ESRRG: variants seen among roughly 807,000 people sequenced by gnomAD.
ESRRG encodes estrogen related receptor gamma, also known as estrogen-related receptor gamma.
A neutral mutation model predicts 44.0 loss-of-function variants in ESRRG; 13 were observed. That is an observed-to-expected ratio of 0.30 (90% CI 0.19 to 0.47). ESRRG has a LOEUF of 0.47. Ranked by LOEUF, ESRRG falls within the 20% of genes least tolerant of loss-of-function variation. The pLI, the probability that ESRRG is intolerant of heterozygous loss-of-function variation, is 1.00. For synonymous variants in ESRRG, 215 were observed against 214.6 expected, an observed-to-expected ratio of 1.00 and a Z score of -0.02; for missense variants, 395 against 580.6, an observed-to-expected ratio of 0.68 and a Z score of 3.29.
At chr1:216,971,875 T>A (rs528953806) in intron 1 of ESRRG, among the ~76,000 whole-genome samples, 2 of 152,210 alleles carry the variant, frequency 1.3e-5, no homozygotes, top group African/African-American at 4.8e-5. Context: ...TTATCTCTTT[T>A]CCTTCAGCTA....
At chr1:216,582,116 C>A (rs1393468982) in intron 3 of ESRRG, among the ~76,000 whole-genome samples, 1 of 152,164 alleles carries the variant, frequency 6.6e-6, no homozygotes, top group African/African-American at 2.4e-5. Flanking sequence ...ATCTTGAAAT[C>A]CTGATTTTAA....
At chr1:217,065,651 T>C (rs1468986700) in intron 1 of ESRRG, among the ~76,000 whole-genome samples, 3 of 152,160 alleles carry the variant, frequency 2.0e-5, no homozygotes, top group Admixed American at 6.5e-5. Context: ...CTGTCTGCCA[T>C]TTACACACAA....
chr1:216,731,459 A>G (rs997741893), intron 2 of ESRRG, among the ~76,000 whole-genome samples: 1 of 152,212 alleles, frequency 6.6e-6, no homozygotes, highest in African/African-American at 2.4e-5. Context: ...TTTTAAAACA[A>G]GACCTGTGTG....
intron 6 of ESRRG, among the ~76,000 whole-genome samples, chr1:216,509,705 T>C (rs2042165360): frequency 1.3e-5 from 2 of 152,366 alleles, no homozygotes; most frequent in East Asian, 1.9e-4. Flanking sequence ...CAAATTACTA[T>C]GATAATTTAA....
chr1:217,065,734 C>A (rs1049202655), intron 1 of ESRRG, among the ~76,000 whole-genome samples: 1 of 152,212 alleles, frequency 6.6e-6, no homozygotes, highest in Admixed American at 6.5e-5. Context: ...AGCTGCAGAA[C>A]TGGCAAAGAG....
At chr1:216,676,028 G>A (rs1246221572) in intron 2 of ESRRG, among the ~76,000 whole-genome samples, 2 of 152,152 alleles carry the variant, frequency 1.3e-5, no homozygotes, top group Non-Finnish European at 2.9e-5. Flanking sequence ...TAGACTTTGT[G>A]TCCATAACTG....
chr1:216,674,206 G>A (rs528903041), intron 2 of ESRRG, among the ~76,000 whole-genome samples: 3 of 152,184 alleles, frequency 2.0e-5, no homozygotes, highest in Non-Finnish European at 2.9e-5. Context: ...CTCAAGTTTT[G>A]TAGTGTTACC....
chr1:216,552,800 T>C (rs948678378), intron 5 of ESRRG, among the ~76,000 whole-genome samples: 2 of 152,152 alleles, frequency 1.3e-5, no homozygotes, highest in African/African-American at 4.8e-5. Context: ...TATTATTCCA[T>C]ATATTAGAAA....
intron 2 of ESRRG, among the ~76,000 whole-genome samples, chr1:216,673,236 C>G (rs777956948): frequency 4.6e-5 from 7 of 152,232 alleles, no homozygotes; most frequent in African/African-American, 1.7e-4. Flanking sequence ...CAACTGCTAT[C>G]ACTACCGTAT....
chr1:216,923,438 A>G (rs1467179844), intron 2 of ESRRG, among the ~76,000 whole-genome samples: 1 of 152,250 alleles, frequency 6.6e-6, no homozygotes, highest in African/African-American at 2.4e-5. Context: ...AAGATTTACC[A>G]AAAATCGGGA....
intron 2 of ESRRG, among the ~76,000 whole-genome samples, chr1:216,655,673 A>T (rs1210874364): frequency 6.6e-6 from 1 of 152,220 alleles, no homozygotes; most frequent in Admixed American, 6.5e-5. Flanking sequence ...TTGCCTTGAC[A>T]CATACGGATA....
intron 1 of ESRRG, among the ~76,000 whole-genome samples, chr1:217,130,352 C>T (rs1158101009): frequency 1.3e-5 from 2 of 152,190 alleles, no homozygotes; most frequent in African/African-American, 4.8e-5. Flanking sequence ...CCTGCCTCAG[C>T]CTCCTGAGTA....
chr1:216,683,736 C>T (rs1477639682), intron 1 of ESRRG, among the ~76,000 whole-genome samples: 2 of 152,210 alleles, frequency 1.3e-5, no homozygotes, highest in Non-Finnish European at 2.9e-5. Flanking sequence ...ATTATAATTT[C>T]ATACCTACTG....
At chr1:216,695,641 AAATG>A (rs2079997375) in intron 1 of ESRRG, among the ~76,000 whole-genome samples, 1 of 152,246 alleles carries the variant, frequency 6.6e-6, no homozygotes, top group Admixed American at 6.5e-5. Flanking sequence ...TTGAATAAGT[AAATG>A]AATGAATTAC....
rs372970579 is a variant in ESRRG, at chr1:216,646,678, C to T, written c.589+4295G>A. On this transcript the variant is annotated intron_variant, in intron 3 of 6. Coordinates refer to ENST00000408911, the MANE Select transcript of ESRRG (RefSeq NM_001438.4). ...GCAGTATCTCATTGGCTATTTATAA[C>T]ATGTTGTTTGCAAATACTATTATTG... Among the ~76,000 whole-genome samples the T allele has an allele frequency of 7.9e-5, 12 of 152,138 alleles. No homozygotes were observed. The South Asian group carries it at 8.3e-4, about 11-fold the overall frequency.
intron 1 of ESRRG, among the ~76,000 whole-genome samples, chr1:216,995,705 T>A (rs2076289935): frequency 6.6e-6 from 1 of 152,254 alleles, no homozygotes; most frequent in Admixed American, 6.5e-5. Flanking sequence ...AGGCAGAATC[T>A]GAATCTTATT....
chr1:216,832,842 G>A (rs1184458196), intron 2 of ESRRG, among the ~76,000 whole-genome samples: 1 of 152,070 alleles, frequency 6.6e-6, no homozygotes, highest in Admixed American at 6.6e-5. Context: ...CAGATGTAGT[G>A]ATGTGTGCCT....
chr1:216,543,165 G>A (rs1217302873), intron 5 of ESRRG, among the ~76,000 whole-genome samples: 1 of 151,954 alleles, frequency 6.6e-6, no homozygotes, highest in African/African-American at 2.4e-5. Flanking sequence ...TCACTGACAA[G>A]AAATTGTGTG....
chr1:216,521,954 G>A (rs573367112), intron 5 of ESRRG, among the ~76,000 whole-genome samples: 3 of 152,098 alleles, frequency 2.0e-5, no homozygotes, highest in Admixed American at 2.0e-4. Context: ...GCACGCTAGC[G>A]ACATTTACGT....
Sources: allele counts gnomAD v4.1 joint callset (sites outside exome capture counted in the v4.1 genomes callset), GRCh38; gene constraint gnomAD v4.1.1; transcripts MANE v1.5; gene names NCBI Gene and HGNC (gene_info 2026-07-23, HGNC 2026-07-21).